ITFG1: variants seen among roughly 807,000 people sequenced by gnomAD.
ITFG1 encodes integrin alpha FG-GAP repeat containing 1.
Under a neutral mutation model 81.8 loss-of-function variants are expected in ITFG1, and 34 were observed. The ratio of observed to expected loss-of-function variants is 0.42; its 90% confidence interval spans 0.32 to 0.55. The LOEUF (loss-of-function observed/expected upper bound fraction) is 0.55. ITFG1 is among the 20% of genes least tolerant of loss of function. The pLI is 0.17. For synonymous variants in ITFG1, 285 were observed against 270.6 expected, an observed-to-expected ratio of 1.05 and a Z score of -0.52; for missense variants, 672 against 755.4, an observed-to-expected ratio of 0.89 and a Z score of 1.29.
intron 10 of ITFG1, among the ~76,000 whole-genome samples, chr16:47,294,474 C>T (rs1159468571): frequency 6.6e-6 from 1 of 152,110 alleles, no homozygotes; most frequent in Non-Finnish European, 1.5e-5. Flanking sequence ...GACATTGATT[C>T]TCCTGCTCCA....
chr16:47,428,374 T>C (rs559927636), intron 6 of ITFG1, among the ~76,000 whole-genome samples: 13 of 152,316 alleles, frequency 8.5e-5, no homozygotes, highest in Admixed American at 8.5e-4. Context: ...TATATTATAA[T>C]ATTCTGTCCA....
intron 12 of ITFG1, among the ~76,000 whole-genome samples, chr16:47,255,041 C>A (rs939964477): frequency 6.6e-6 from 1 of 152,084 alleles, no homozygotes; most frequent in Non-Finnish European, 1.5e-5. Context: ...CAGCCAAGAT[C>A]GCGCCACTGC....
At chr16:47,406,964 A>G (rs1028754394) in intron 6 of ITFG1, among the ~76,000 whole-genome samples, 1 of 152,180 alleles carries the variant, frequency 6.6e-6, no homozygotes, top group Admixed American at 6.5e-5. Context: ...GTATTTAAGA[A>G]ACAATAAGGA....
intron 2 of ITFG1, among the ~76,000 whole-genome samples, chr16:47,458,255 C>T (rs1311934395): frequency 6.6e-6 from 1 of 152,170 alleles, no homozygotes; most frequent in East Asian, 1.9e-4. Flanking sequence ...GTCCTTAACT[C>T]CCCGAAGTGT....
At position 47,350,066 on chromosome 16, in the gene ITFG1, T is replaced by C. The variant is rs1158745373; in HGVS notation, c.802+15722A>G. On this transcript the variant is annotated intron_variant, in intron 8 of 17. Transcript: ENST00000320640. The stretch of plus-strand genomic sequence containing the variant: ...AATCTCTGGGACACATTCAAAGCAG[T>C]GTGTAGAGGGAAATTTATAGCACTA... Among the ~76,000 whole-genome samples, 5 of 152,254 alleles carry C rather than the reference T, an allele frequency of 3.3e-5. No individual in the cohort carries two copies. In the East Asian group the frequency reaches 7.7e-4, roughly 23 times the overall value.
At chr16:47,192,400 C>G (rs535558838) in intron 14 of ITFG1, among the ~76,000 whole-genome samples, 1 of 152,078 alleles carries the variant, frequency 6.6e-6, no homozygotes, top group African/African-American at 2.4e-5. Flanking sequence ...CTAGAGACTC[C>G]TTATTATTTA....
chr16:47,411,142 T>C (rs933731297), intron 6 of ITFG1, among the ~76,000 whole-genome samples: 7 of 152,166 alleles, frequency 4.6e-5, no homozygotes, highest in African/African-American at 1.4e-4. Flanking sequence ...AGTGCCAAAC[T>C]GAGATCTGTG....
intron 5 of ITFG1, among the ~76,000 whole-genome samples, chr16:47,439,829 A>G (rs893960966): frequency 2.0e-5 from 3 of 152,242 alleles, no homozygotes; most frequent in African/African-American, 7.2e-5. Flanking sequence ...AAATTCACAC[A>G]TAACAATACT....
At chr16:47,364,504 T>C (rs761760375) in intron 8 of ITFG1, among the ~76,000 whole-genome samples, 4 of 152,176 alleles carry the variant, frequency 2.6e-5, no homozygotes, top group Non-Finnish European at 2.9e-5. Flanking sequence ...ATGTAGTACA[T>C]ATACACTTTT....
intron 6 of ITFG1, among the ~76,000 whole-genome samples, chr16:47,421,307 T>C (rs8045156): frequency 0.09 from 11,486 of 127,732 alleles, 777 homozygotes; most frequent in African/African-American, 0.22. Flanking sequence ...CACACACACA[T>C]ACATATTTTT....
At chr16:47,378,349 T>G (rs1211896417) in intron 6 of ITFG1, among the ~76,000 whole-genome samples, 1 of 152,184 alleles carries the variant, frequency 6.6e-6, no homozygotes, top group Non-Finnish European at 1.5e-5. Flanking sequence ...GTTAGCGTCA[T>G]GGGATTAGAA....
At chr16:47,456,411 C>T (rs369009716) in intron 2 of ITFG1, among the ~76,000 whole-genome samples, 2 of 151,912 alleles carry the variant, frequency 1.3e-5, no homozygotes, top group Non-Finnish European at 1.5e-5. Context: ...GGGTAGATGC[C>T]GGGCGCGGTG....
At chr16:47,359,390 C>T (rs1227928335) in intron 8 of ITFG1, among the ~76,000 whole-genome samples, 1 of 152,188 alleles carries the variant, frequency 6.6e-6, no homozygotes, top group Non-Finnish European at 1.5e-5. Flanking sequence ...TCCTTTCCTA[C>T]CTCATCAAAT....
intron 6 of ITFG1, among the ~76,000 whole-genome samples, chr16:47,394,690 T>C (rs1362568675): frequency 6.6e-6 from 1 of 152,082 alleles, no homozygotes; most frequent in Non-Finnish European, 1.5e-5. Context: ...AAGGTCATCC[T>C]ACATAATTTC....
intron 12 of ITFG1, among the ~76,000 whole-genome samples, chr16:47,244,603 G>T (rs1242702714): frequency 1.9e-5 from 1 of 53,766 alleles, no homozygotes; most frequent in Non-Finnish European, 4.0e-5. Flanking sequence ...GTGTGTGTGT[G>T]TGTGTGTGTG....
intron 8 of ITFG1, among the ~76,000 whole-genome samples, chr16:47,348,593 C>T (rs911841641): frequency 3.3e-5 from 5 of 152,100 alleles, no homozygotes; most frequent in African/African-American, 1.2e-4. Context: ...AATGGTGTAC[C>T]TGAAAGTGAT....
intron 7 of ITFG1, among the ~76,000 whole-genome samples, chr16:47,370,215 C>T (rs984795428): frequency 4.6e-5 from 7 of 152,184 alleles, no homozygotes; most frequent in Middle Eastern, 3.4e-3. Context: ...CGGTGAAACC[C>T]GACCTTCAAA....
chr16:47,460,760 C>A, intron 1 of ITFG1, 78 bp downstream of exon 1: 5 of 1,464,758 alleles, frequency 3.4e-6, no homozygotes, highest in Non-Finnish European at 4.7e-6. Flanking sequence ...GAAGGACCGG[C>A]CATTGGGCAA....
At chr16:47,182,179 T>TAA (rs544895364) in intron 14 of ITFG1, among the ~76,000 whole-genome samples, 2 of 126,946 alleles carry the variant, frequency 1.6e-5, no homozygotes, top group South Asian at 2.5e-4. Context: ...AATGATCAAT[T>TAA]AAAAAAAAAA....
Sources: allele counts gnomAD v4.1 joint callset (sites outside exome capture counted in the v4.1 genomes callset), GRCh38; gene constraint gnomAD v4.1.1; transcripts MANE v1.5; gene names NCBI Gene and HGNC (gene_info 2026-07-23, HGNC 2026-07-21).